SEMA3E: variants seen among roughly 807,000 people sequenced by gnomAD.
The protein encoded by SEMA3E is semaphorin 3E.
Under a neutral mutation model 93.6 loss-of-function variants are expected in SEMA3E, and 49 were observed. The ratio of observed to expected loss-of-function variants is 0.52; its 90% CI spans 0.42 to 0.66. The LOEUF (loss-of-function observed/expected upper bound fraction) is 0.66. Among genes scored for constraint, SEMA3E ranks in the 30% least tolerant of loss-of-function variants. The pLI is 0.00. For missense variants in SEMA3E, 906 were observed against 964.8 expected, an observed-to-expected ratio of 0.94 and a Z score of 0.81; for synonymous variants, 363 against 330.7, an observed-to-expected ratio of 1.10 and a Z score of -1.06.
intron 4 of SEMA3E, among the ~76,000 whole-genome samples, chr7:83,452,404 A>T (rs1173415425): frequency 6.6e-6 from 1 of 152,132 alleles, no homozygotes; most frequent in African/African-American, 2.4e-5. Context: ...TTCTGGTTCA[A>T]CATATGCCTC....
chr7:83,570,618 G>A (rs984338293), intron 1 of SEMA3E, among the ~76,000 whole-genome samples: 5 of 148,216 alleles, frequency 3.4e-5, no homozygotes, highest in African/African-American at 5.0e-5. Context: ...CACACCTAGA[G>A]GAACTAGGAA....
Position 83,394,277 on chromosome 7 carries a change from C to T in SEMA3E, c.1500+20G>A. ...CATATAGAACACACACACCTACACA[C>T]ACACACACACAGAACTTACCCGCTT... On this transcript the variant is annotated intron_variant, in intron 13 of 16. Transcript: ENST00000643230. The T allele has an allele frequency of 6.2e-7, 1 of 1,604,712 alleles. No homozygotes were observed. The highest frequency in any genetic ancestry group is 8.5e-7 in the Non-Finnish European group (1 of 1,173,022).
At chr7:83,375,429 G>T (rs147903085) in intron 16 of SEMA3E, among the ~76,000 whole-genome samples, 4 of 152,046 alleles carry the variant, frequency 2.6e-5, no homozygotes, top group Admixed American at 1.3e-4. Flanking sequence ...TCAGTGTAGG[G>T]TGAAGAGATA....
At chr7:83,392,457 C>A (rs1788037262) in intron 14 of SEMA3E, 98 bp downstream of exon 14, 6 of 1,297,466 alleles carry the variant, frequency 4.6e-6, no homozygotes, top group Non-Finnish European at 5.5e-6. Flanking sequence ...ATAATTAATA[C>A]AGGTATTTTC....
intron 4 of SEMA3E, among the ~76,000 whole-genome samples, chr7:83,454,024 C>T (rs1010352431): frequency 1.3e-5 from 2 of 151,180 alleles, no homozygotes; most frequent in Non-Finnish European, 2.9e-5. Context: ...TTTGGGAGGC[C>T]GAGGCGGGTG....
intron 1 of SEMA3E, among the ~76,000 whole-genome samples, chr7:83,588,610 C>T (rs1179029120): frequency 2.0e-5 from 3 of 152,176 alleles, no homozygotes; most frequent in Non-Finnish European, 2.9e-5. Context: ...ACAGAAGTCA[C>T]TCATTACTAT....
chr7:83,568,646 G>A (rs1439907465), intron 1 of SEMA3E, among the ~76,000 whole-genome samples: 1 of 152,100 alleles, frequency 6.6e-6, no homozygotes, highest in Non-Finnish European at 1.5e-5. Flanking sequence ...AGTAGACACA[G>A]CAGAAGCATT....
intron 1 of SEMA3E, among the ~76,000 whole-genome samples, chr7:83,509,235 G>A (rs73176544): frequency 0.21 from 31,599 of 152,050 alleles, 3,545 homozygotes; most frequent in Middle Eastern, 0.38. Flanking sequence ...ATAAACCTAG[G>A]AGAGGGATGA....
intron 1 of SEMA3E, among the ~76,000 whole-genome samples, chr7:83,598,430 A>T (rs1792919480): frequency 6.6e-6 from 1 of 152,222 alleles, no homozygotes; most frequent in South Asian, 2.1e-4. Flanking sequence ...GAGGAAAAGC[A>T]TTGAAATAAT....
At chr7:83,447,224 G>C (rs1789249903) in intron 4 of SEMA3E, among the ~76,000 whole-genome samples, 1 of 152,050 alleles carries the variant, frequency 6.6e-6, no homozygotes, top group Admixed American at 6.6e-5. Flanking sequence ...TGAGAATATG[G>C]GTGGACATAT....
At chr7:83,593,282 C>CTG (rs1255974145) in intron 1 of SEMA3E, among the ~76,000 whole-genome samples, 17 of 107,438 alleles carry the variant, frequency 1.6e-4, no homozygotes, top group East Asian at 9.7e-4. Context: ...CTCTCTCTCT[C>CTG]TCTGTGTGTG....
At chr7:83,459,458 C>T (rs1339348908) in intron 4 of SEMA3E, among the ~76,000 whole-genome samples, 1 of 152,174 alleles carries the variant, frequency 6.6e-6, no homozygotes, top group African/African-American at 2.4e-5. Flanking sequence ...TGTGTATATA[C>T]ATACACACGT....
intron 5 of SEMA3E, among the ~76,000 whole-genome samples, chr7:83,412,132 T>G (rs1049777180): frequency 3.9e-5 from 6 of 152,090 alleles, no homozygotes; most frequent in African/African-American, 1.4e-4. Context: ...GGCCTAGAAT[T>G]CCACACCTCT....
chr7:83,519,765 C>G (rs938649091), intron 1 of SEMA3E, among the ~76,000 whole-genome samples: 8 of 152,146 alleles, frequency 5.3e-5, no homozygotes, highest in Non-Finnish European at 8.8e-5. Flanking sequence ...CGCATAGAAC[C>G]TGGCATAAAC....
chr7:83,544,433 G>A (rs1488555393), intron 1 of SEMA3E, among the ~76,000 whole-genome samples: 1 of 152,066 alleles, frequency 6.6e-6, no homozygotes, highest in African/African-American at 2.4e-5. Flanking sequence ...ATTTGTAGAA[G>A]CCTAGAGAGA....
At chr7:83,456,951 CATTT>C (rs768379622) in intron 4 of SEMA3E, among the ~76,000 whole-genome samples, 4 of 152,162 alleles carry the variant, frequency 2.6e-5, no homozygotes, top group Non-Finnish European at 5.9e-5. Context: ...GATATTATTA[CATTT>C]ATTATGTCAC....
Position 83,431,564 on chromosome 7 carries a change from C to T in SEMA3E, c.457-13081G>A, listed in dbSNP as rs549530493. ...GATTACAGGCACATGCCACCATGCC[C>T]GGCTAGTTTTTGTACTTGCAGTAGA... is the stretch of plus-strand genomic sequence containing the variant. On this transcript the variant is annotated intron_variant, in intron 4 of 16. Transcript: ENST00000643230. 2.6e-5 allele frequency among the ~76,000 whole-genome samples: 4 copies of T among 152,210 alleles called. No individual in the cohort carries two copies. In the East Asian group the frequency reaches 5.8e-4, roughly 22 times the overall value.
intron 1 of SEMA3E, among the ~76,000 whole-genome samples, chr7:83,506,053 A>G (rs1052234000): frequency 1.4e-5 from 2 of 139,868 alleles, no homozygotes; most frequent in African/African-American, 2.7e-5. Flanking sequence ...ATATATATAT[A>G]TTTGCTCAGT....
intron 1 of SEMA3E, among the ~76,000 whole-genome samples, chr7:83,578,589 TA>T (rs1792456773): frequency 6.6e-6 from 1 of 152,060 alleles, no homozygotes; most frequent in Non-Finnish European, 1.5e-5. Flanking sequence ...TTTGGTCTAT[TA>T]AAAGGCACTG....
Sources: gnomAD v4.1 joint callset for allele counts (sites outside exome capture counted in the v4.1 genomes callset) on GRCh38, gnomAD v4.1.1 for gene constraint, MANE v1.5 for transcripts, NCBI Gene and HGNC (gene_info 2026-07-23, HGNC 2026-07-21) for gene names.